NPC1: variants seen among roughly 807,000 people sequenced by gnomAD.
NPC1 encodes the protein Niemann-Pick C1 protein.
In NPC1, 85 loss-of-function variants were observed where a neutral mutation model predicts 140.4. The observed-to-expected ratio is 0.61, with a 90% CI of 0.51 to 0.72. The LOEUF (loss-of-function observed/expected upper bound fraction) is 0.72. Ranked by LOEUF, NPC1 falls within the 30% of genes least tolerant of loss-of-function variation. NPC1 has a pLI of 0.00. For synonymous variants in NPC1, 656 were observed against 624.8 expected (o/e 1.05, Z -0.74); for missense variants, 1,504 against 1,623.8 (o/e 0.93, Z 1.27).
chr18:23,535,580 CCAG>C lies in NPC1; in HGVS notation c.3363_3365del (p.Trp1122del). On this transcript the variant is annotated inframe_deletion, in exon 22 of 25. Transcript: ENST00000269228. ...TGGTGGCACACATGATGACTGCAGA[CCAG>C]AGCTCACAGCCCAGGAGGACCATGG... 1 of 1,614,102 alleles carries C rather than the reference CCAG, an allele frequency of 6.2e-7. No individual in the cohort carries two copies. The highest frequency in any genetic ancestry group is 8.5e-7 in the Non-Finnish European group (1 of 1,180,010).
At chr18:23,548,226 G>T in intron 10 of NPC1, 118 bp from the exon 11 acceptor site, 1 of 729,214 alleles carries the variant, frequency 1.4e-6, no homozygotes, top group Admixed American at 1.9e-5. Context: ...TGTATCTCTG[G>T]GCTCTAAGAA....
In NPC1 at chr18:23,538,544, T is replaced by C. The variant is rs773268548; in HGVS notation, c.3039A>G (p.Lys1013=). The part of the protein sequence containing the change: ...LSDNPNPKCG[K]GGHAAYSSAV... Reference sequence around the variant, plus strand: ...TCTGCAATGGCAGCAGCACTTACCCTTTGCCACACTTGGGGTTAGGGTTAT... The same window carrying C: ...TCTGCAATGGCAGCAGCACTTACCCCTTGCCACACTTGGGGTTAGGGTTAT... The change falls in exon 20 of 25, where the codon AAA becomes AAG. Residue 1013 remains lysine (K), a splice_region_variant and synonymous_variant. Transcript: ENST00000269228. 5.6e-6 allele frequency: 9 copies of C among 1,614,000 alleles called. No individual in the cohort carries two copies. Among genetic ancestry groups the C allele is most frequent in the Middle Eastern group, 1.6e-4 (1 of 6,082 alleles).
chr18:23,532,043 G>A lies in NPC1; in HGVS notation c.*159C>T, dbSNP rs1438758413. ...TAATACTGCTTCCCAAGTCAACTGT[G>A]CATTCCTGAGTTCACAGGCGCTACG... On this transcript the variant is annotated 3_prime_UTR_variant, in exon 25 of 25. Transcript: ENST00000269228. The A allele has an allele frequency of 3.8e-6, 6 of 1,570,644 alleles. No individual in the cohort carries two copies. The highest frequency in any genetic ancestry group is 2.2e-4 in the Middle Eastern group (1 of 4,476).
downstream of NPC1, chr18:23,527,920 G>T: frequency 6.3e-7 from 1 of 1,578,046 alleles, no homozygotes; most frequent in South Asian, 1.1e-5. Context: ...CATGGAGTAT[G>T]ACAAAGGGTC....
chr18:23,583,495 T>A (rs1197962959), intron 1 of NPC1, among the ~76,000 whole-genome samples: 1 of 152,014 alleles, frequency 6.6e-6, no homozygotes, highest in South Asian at 2.1e-4. Flanking sequence ...CCCTGGAAGA[T>A]GGGCAGGATT....
intron 24 of NPC1, 178 bp downstream of exon 24, chr18:23,533,177 T>A: frequency 2.7e-6 from 2 of 736,248 alleles, no homozygotes; most frequent in Non-Finnish European, 4.4e-6. Context: ...GTCTGCACCA[T>A]CATGAATCCC....
At chr18:23,531,230 C>G (rs1439352201), downstream of NPC1, among the ~76,000 whole-genome samples, 1 of 152,056 alleles carries the variant, frequency 6.6e-6, no homozygotes, top group African/African-American at 2.4e-5. Flanking sequence ...ACCTCATGAT[C>G]CGCCTGCCTC....
chr18:23,517,503 A>C (rs2058040412), downstream of NPC1, among the ~76,000 whole-genome samples: 1 of 152,140 alleles, frequency 6.6e-6, no homozygotes, highest in African/African-American at 2.4e-5. Flanking sequence ...TAAATTTGTA[A>C]TGAAAATTTT....
chr18:23,555,081 G>C, intron 8 of NPC1, 97 bp from the exon 9 acceptor site: 2 of 810,770 alleles, frequency 2.5e-6, no homozygotes, highest in Admixed American at 4.0e-5. Flanking sequence ...AGAAGACAAA[G>C]AGTATTTGGG....
At chr18:23,579,047 C>T (rs2059326499) in intron 1 of NPC1, among the ~76,000 whole-genome samples, 1 of 152,204 alleles carries the variant, frequency 6.6e-6, no homozygotes, top group Non-Finnish European at 1.5e-5. Context: ...CTTCAGACAC[C>T]TCACTCTGGC....
Position 23,556,419 on chromosome 18 carries a change from G to A in NPC1, c.1150C>T (p.Pro384Ser), listed in dbSNP as rs1431751792. 1 of 1,614,042 alleles carries A rather than the reference G, an allele frequency of 6.2e-7. No individual in the cohort carries two copies. The highest frequency in any genetic ancestry group is 8.5e-7 in the Non-Finnish European group (1 of 1,180,042). Residue 384 changes from proline to serine, a missense_variant, in exon 8 of 25, where the codon CCC (proline) becomes TCC (serine). By Grantham distance (74) the Pro-to-Ser change is moderately conservative. Coordinates refer to ENST00000269228, the MANE Select transcript of NPC1 (RefSeq NM_000271.5). ...TTTTCCAGGCGAGCCTGGCTGCTGG[G>A]GGCTGACCAGAGGTCAACTGGATTG... ...TTNPVDLWSA[P>S]SSQARLEKEY...
Position 23,561,417 on chromosome 18 carries a change from A to G in NPC1, c.574T>C (p.Tyr192His), listed in dbSNP as rs556117842. The change falls in exon 5 of 25, where the codon TAC becomes CAC. Residue 192 changes from tyrosine (Y) to histidine (H), a missense_variant. Transcript: ENST00000269228. Reference protein sequence around the residue: ...DACNATNWIEYMFNKDNGQAP... With the variant: ...DACNATNWIEHMFNKDNGQAP... ...TGTCCATTGTCCTTATTGAACATGTATTCAATCCAGTTGGTGGCATTACAG... is the reference window on the plus strand; with the variant it reads ...TGTCCATTGTCCTTATTGAACATGTGTTCAATCCAGTTGGTGGCATTACAG... 6.2e-7 allele frequency: 1 copy of G among 1,614,056 alleles called. No homozygotes were observed. Among genetic ancestry groups the G allele is most frequent in the Non-Finnish European group, 8.5e-7 (1 of 1,179,900 alleles).
intron 3 of NPC1, chr18:23,516,065 G>A: frequency 6.2e-7 from 1 of 1,605,182 alleles, no homozygotes; most frequent in Admixed American, 1.7e-5. Context: ...GCATCCTAAT[G>A]TGTCAGGCAC....
chr18:23,517,728 A>T (rs1187460134), downstream of NPC1, among the ~76,000 whole-genome samples: 1 of 150,614 alleles, frequency 6.6e-6, no homozygotes, highest in African/African-American at 2.4e-5. Context: ...GTTTATTTTT[A>T]AATTTTTTTT....
In NPC1 at chr18:23,586,368, CG is replaced by C; in HGVS notation, c.-26del. 1 of 1,531,456 alleles carries C rather than the reference CG, an allele frequency of 6.5e-7. No individual in the cohort carries two copies. The highest frequency in any genetic ancestry group is 1.2e-5 in the South Asian group (1 of 83,618). 94.9% of individuals were successfully genotyped at this position (1,531,456 alleles called of 1,614,324 possible). Reference sequence around the variant, plus strand: ...TGCTGTGGCCGCGCAAGGCTGCTGACGCCGGCGGCGTTCGGCTGGTTGGGCT... The same window carrying C: ...TGCTGTGGCCGCGCAAGGCTGCTGACCCGGCGGCGTTCGGCTGGTTGGGCT... On this transcript the variant is annotated 5_prime_UTR_variant, in exon 1 of 25. Transcript: ENST00000269228.
chr18:23,530,660 A>C, downstream of NPC1: 2 of 1,561,212 alleles, frequency 1.3e-6, no homozygotes, highest in Non-Finnish European at 1.7e-6. Flanking sequence ...CTCAAAGAGT[A>C]GCAGAGGGCA....
intron 1 of NPC1, among the ~76,000 whole-genome samples, 197 bp downstream of exon 1, chr18:23,586,090 G>A (rs1284168485): frequency 2.0e-5 from 3 of 152,190 alleles, no homozygotes; most frequent in African/African-American, 4.8e-5. Context: ...AGCCCCCACT[G>A]CCACCCTCTT....
At position 23,543,290 on chromosome 18, in the gene NPC1, C is replaced by T. The variant is rs1456642059; in HGVS notation, c.2245+165G>A. ...GCTGCAGTGAGCCGAGATTGCACCACTGCACTCCAGCCTGGGTGGCAGAGT... is the reference window on the plus strand; with the variant it reads ...GCTGCAGTGAGCCGAGATTGCACCATTGCACTCCAGCCTGGGTGGCAGAGT... On this transcript the variant is annotated intron_variant, in intron 14 of 24. Transcript: ENST00000269228. Among the ~76,000 whole-genome samples, 5 of 143,042 alleles carry T rather than the reference C, an allele frequency of 3.5e-5. No homozygotes were observed. The East Asian group carries it at 1.1e-3, about 30-fold the overall frequency. 93.8% of individuals were successfully genotyped at this position (143,042 alleles called of 152,430 possible).
downstream of NPC1, among the ~76,000 whole-genome samples, chr18:23,524,746 C>T (rs556417388): frequency 2.6e-5 from 4 of 152,046 alleles, no homozygotes; most frequent in African/African-American, 7.2e-5. Context: ...CCAGACTCCA[C>T]CCCAGGGTGG....
Sources: allele counts gnomAD v4.1 joint callset (sites outside exome capture counted in the v4.1 genomes callset), GRCh38; gene constraint gnomAD v4.1.1; transcripts MANE v1.5; gene names NCBI Gene and HGNC (gene_info 2026-07-23, HGNC 2026-07-21).